Variants in CDCA8 observed in about 807,000 individuals in gnomAD.
CDCA8 encodes the protein borealin.
CDCA8 carries 25 observed loss-of-function variants against 40.0 expected under a neutral mutation model. That is an observed-to-expected ratio of 0.63 (90% CI 0.46 to 0.87). The LOEUF (loss-of-function observed/expected upper bound fraction) is 0.87, where lower values mean the gene tolerates loss of function less well. Among genes scored for constraint, CDCA8 ranks in the 40% least tolerant of loss-of-function variants. CDCA8 has a pLI of 0.00. For synonymous variants in CDCA8, 111 were observed against 126.5 expected, an observed-to-expected ratio of 0.88 and a Z score of 0.82; for missense variants, 280 against 348.4, an observed-to-expected ratio of 0.80 and a Z score of 1.56.
rs1645522817 is a variant in CDCA8, at chr1:37,695,891, T to C, written c.224-19T>C. On this transcript the variant is annotated intron_variant, in intron 2 of 9. Transcript: ENST00000373055. The stretch of plus-strand genomic sequence containing the variant: ...TTTATTGTTAAAATGTAATAGTAAC[T>C]ACAACGTTCTTTTTAAAGCCCTTGG... The C allele has an allele frequency of 2.5e-6, 4 of 1,610,498 alleles. No individual in the cohort carries two copies. The East Asian group carries it at 8.9e-5, about 36-fold the overall frequency.
At chr1:37,701,428 G>A (rs541156993) in intron 5 of CDCA8, among the ~76,000 whole-genome samples, 10 of 152,286 alleles carry the variant, frequency 6.6e-5, no homozygotes, top group African/African-American at 2.4e-4. Context: ...CTTTGATTGG[G>A]CACCTGGGAC....
rs1473882957 is a variant in CDCA8, at chr1:37,708,371, C to A, written c.*5C>A. On this transcript the variant is annotated 3_prime_UTR_variant, in exon 10 of 10. Coordinates refer to ENST00000373055, the MANE Select transcript of CDCA8 (RefSeq NM_001256875.2). ...AGCATACGGACCCACAAATGAGACA[C>A]CAAAGTTGACAGGATGGACTTTTAA... 3 of 1,613,944 alleles carry A rather than the reference C, an allele frequency of 1.9e-6. No individual in the cohort carries two copies. The highest frequency in any genetic ancestry group is 2.5e-6 in the Non-Finnish European group (3 of 1,179,826).
Position 37,703,322 on chromosome 1 carries a change from G to A in CDCA8, c.559G>A (p.Gly187Ser), listed in dbSNP as rs760660133. The A allele has an allele frequency of 2.5e-6, 4 of 1,613,844 alleles. No homozygotes were observed. The South Asian group carries it at 4.4e-5, about 18-fold the overall frequency. The part of the protein sequence containing the change: ...LEVSMVKPTP[G>S]LTPRFDSRVF... ...GGTGTCCATGGTCAAACCAACTCCA[G>A]GCCTGACACCCAGGTTTGACTCAAG... is the stretch of plus-strand genomic sequence containing the variant. Residue 187 changes from glycine (G) to serine (S), a missense_variant, in exon 7 of 10, where the codon GGC becomes AGC. Gly to Ser is a moderately conservative substitution (Grantham distance 56). Transcript: ENST00000373055.
chr1:37,699,061 G>A, intron 4 of CDCA8, 84 bp downstream of exon 4: 1 of 857,564 alleles, frequency 1.2e-6, no homozygotes, highest in Non-Finnish European at 2.0e-6. Context: ...GCGCCTTGTT[G>A]GTAGAGCCTC....
chr1:37,692,882 C>T, intron 1 of CDCA8, 23 bp from the exon 2 acceptor site: 1 of 1,613,638 alleles, frequency 6.2e-7, no homozygotes, highest in Non-Finnish European at 8.5e-7. Context: ...GACCCGTGTC[C>T]TGTCGGCTCT....
At chr1:37,701,669 G>GC in intron 5 of CDCA8, 85 bp from the exon 6 acceptor site, 1 of 753,048 alleles carries the variant, frequency 1.3e-6, no homozygotes, top group Non-Finnish European at 2.1e-6. Flanking sequence ...TGTTCTTAAT[G>GC]CTTTAAAAAA....
chr1:37,693,147 C>T (rs1645485853), intron 2 of CDCA8, 114 bp downstream of exon 2: 1 of 742,176 alleles, frequency 1.3e-6, no homozygotes, highest in Non-Finnish European at 2.1e-6. Flanking sequence ...GACATGACCA[C>T]TTATGGAAAA....
rs1645469991 is a variant in CDCA8, at chr1:37,692,516, G to A, written c.-175G>A. 4.8e-6 allele frequency: 3 copies of A among 621,448 alleles called. No individual in the cohort carries two copies. The highest frequency in any genetic ancestry group is 3.7e-5 in the South Asian group (2 of 53,688). The allele number at this position is 621,448 out of a possible 1,614,324, so 38.5% of individuals were successfully genotyped here. ...AGTTTGAATTGGGTGGCGGTTGACTGTAGAGCCGCTCTCTCTCACTGGCAC... is the reference window on the plus strand; with the variant it reads ...AGTTTGAATTGGGTGGCGGTTGACTATAGAGCCGCTCTCTCTCACTGGCAC... On this transcript the variant is annotated 5_prime_UTR_variant, in exon 1 of 10. Transcript: ENST00000373055.
At chr1:37,705,341 T>TA (rs1271159228) in intron 7 of CDCA8, 100 bp from the exon 8 acceptor site, 31 of 1,173,282 alleles carry the variant, frequency 2.6e-5, no homozygotes, top group Non-Finnish European at 3.7e-5. Flanking sequence ...ATGTATGACT[T>TA]AAAAACTGCA....
At position 37,709,162 on chromosome 1, in the gene CDCA8, T is replaced by G. The variant is rs1419662107; in HGVS notation, c.*796T>G. 1 of 152,230 alleles carries G rather than the reference T, an allele frequency of 6.6e-6. No homozygotes were observed. Among genetic ancestry groups the G allele is most frequent in the Non-Finnish European group, 1.5e-5 (1 of 68,066 alleles). 9.4% of individuals were successfully genotyped at this position (152,230 alleles called of 1,614,324 possible). A position where few individuals can be genotyped will look rare whatever the true frequency, so the allele number is the denominator to read the frequency against. On this transcript the variant is annotated 3_prime_UTR_variant, in exon 10 of 10. Coordinates refer to ENST00000373055, the MANE Select transcript of CDCA8 (RefSeq NM_001256875.2). The stretch of plus-strand genomic sequence containing the variant: ...TTCTACCTCCCTAGTTAGTGGAAAT[T>G]TGGATAAGGGAACTGTAGGGCCCAG...
intron 5 of CDCA8, among the ~76,000 whole-genome samples, chr1:37,701,064 A>T (rs1645559800): frequency 6.6e-6 from 1 of 152,334 alleles, no homozygotes; most frequent in Non-Finnish European, 1.5e-5. Context: ...ATTGCATGAC[A>T]TGTTGACCAT....
chr1:37,707,064 C>G lies in CDCA8; in HGVS notation c.798C>G (p.Ser266=), dbSNP rs45487395. 6.2e-7 allele frequency: 1 copy of G among 1,612,514 alleles called. No homozygotes were observed. Among genetic ancestry groups the G allele is most frequent in the Admixed American group, 1.7e-5 (1 of 60,022 alleles). The change falls in exon 9 of 10, where the codon TCC becomes TCG. Residue 266 remains serine (S), a splice_region_variant and synonymous_variant. Transcript: ENST00000373055. ...PEALGNIKKL[S]NRLAQICSSI... ...CCTTGGGAAACATTAAGAAGCTCTC[C>G]GTAAGTCTCATATTCATCTCCACAC...
intron 5 of CDCA8, 126 bp from the exon 6 acceptor site, chr1:37,701,628 T>G: frequency 1.7e-6 from 1 of 590,164 alleles, no homozygotes; most frequent in Non-Finnish European, 3.0e-6. Flanking sequence ...GAGATACACC[T>G]TATTATATTT....
At chr1:37,702,269 C>T (rs1440430099) in intron 6 of CDCA8, among the ~76,000 whole-genome samples, 3 of 151,476 alleles carry the variant, frequency 2.0e-5, no homozygotes, top group East Asian at 3.9e-4. Context: ...GAACCCCCGA[C>T]CTCAGGTGAT....
In CDCA8 at chr1:37,708,540, T is replaced by C; in HGVS notation, c.*174T>C. 1 of 636,610 alleles carries C rather than the reference T, an allele frequency of 1.6e-6. No homozygotes were observed. The highest frequency in any genetic ancestry group is 2.8e-6 in the Non-Finnish European group (1 of 354,642). 39.4% of individuals were successfully genotyped at this position (636,610 alleles called of 1,614,324 possible). On this transcript the variant is annotated 3_prime_UTR_variant, in exon 10 of 10. Transcript: ENST00000373055. ...CCCACACCAGTTAGGTAGAGCTGTCTGTTCACCCTCCCATCCCAGCTGATC... is the reference window on the plus strand; with the variant it reads ...CCCACACCAGTTAGGTAGAGCTGTCCGTTCACCCTCCCATCCCAGCTGATC...
intron 4 of CDCA8, among the ~76,000 whole-genome samples, chr1:37,699,585 AGAAAGGAAAGGAAAG>A (rs56083905): frequency 0.48 from 68,797 of 143,534 alleles, 16,564 homozygotes; most frequent in African/African-American, 0.56. Flanking sequence ...AAAGAAAGAA[AGAAAGGAAAGGAAAG>A]GAAAGGAAAG....
intron 9 of CDCA8, 102 bp from the exon 10 acceptor site, chr1:37,708,220 A>T: frequency 1.0e-6 from 1 of 975,174 alleles, no homozygotes; most frequent in Admixed American, 1.8e-5. Flanking sequence ...TTCATGTGTG[A>T]TACAGATAGA....
chr1:37,707,402 G>A (rs1227208400), intron 9 of CDCA8, among the ~76,000 whole-genome samples: 1 of 152,152 alleles, frequency 6.6e-6, no homozygotes. Context: ...TGAGGGTCGG[G>A]GCTTGTTATC....
rs559153652 is a variant in CDCA8 at position 37,692,603 on chromosome 1, G to A, written c.-88G>A. The stretch of plus-strand genomic sequence containing the variant: ...GGTACGTGCCTGGCGACTTCTTCGG[G>A]TGGTCCCCGTCCGCCCTCCTCGTCC... On this transcript the variant is annotated 5_prime_UTR_variant, in exon 1 of 10. The change creates a new upstream start codon in the 5' untranslated region. Transcript: ENST00000373055. 93 of 1,039,648 alleles carry A rather than the reference G, an allele frequency of 8.9e-5. No individual in the cohort carries two copies. In the African/African-American group the frequency reaches 1.2e-3, roughly 14 times the overall value. The allele number at this position is 1,039,648 out of a possible 1,614,324, so 64.4% of individuals were successfully genotyped here.
Sources: gnomAD v4.1 joint callset for allele counts (sites outside exome capture counted in the v4.1 genomes callset) on GRCh38, gnomAD v4.1.1 for gene constraint, MANE v1.5 for transcripts, NCBI Gene and HGNC (gene_info 2026-07-23, HGNC 2026-07-21) for gene names.